TAOK3: variants seen among roughly 807,000 people sequenced by gnomAD.
TAOK3 encodes serine/threonine-protein kinase TAO3.
A neutral mutation model predicts 120.4 loss-of-function variants in TAOK3; 40 were observed. The ratio of observed to expected loss-of-function variants is 0.33; its 90% CI spans 0.26 to 0.43. The LOEUF (loss-of-function observed/expected upper bound fraction) is 0.43, where lower values mean the gene tolerates loss of function less well. Among genes scored for constraint, TAOK3 ranks in the 20% least tolerant of loss-of-function variants. The probability of loss-of-function intolerance (pLI) is 1.00; values close to 1 mark genes in which losing one functional copy is unlikely to be tolerated. For synonymous variants in TAOK3, 355 were observed against 387.5 expected, an observed-to-expected ratio of 0.92 and a Z score of 0.99; for missense variants, 821 against 1,112.1, an observed-to-expected ratio of 0.74 and a Z score of 3.72.
chr12:118,313,183 C>T (rs1161651933), intron 1 of TAOK3, among the ~76,000 whole-genome samples: 4 of 152,116 alleles, frequency 2.6e-5, no homozygotes, highest in Non-Finnish European at 4.4e-5. Context: ...GACAGTCAGG[C>T]AAGACATTAC....
chr12:118,294,610 C>A (rs12231845), intron 1 of TAOK3, among the ~76,000 whole-genome samples: 8,159 of 152,138 alleles, frequency 0.054, 456 homozygotes, highest in East Asian at 0.25. Flanking sequence ...TCTTGAACTC[C>A]TGACCTCAGG....
At chr12:118,195,109 G>A (rs1448630188) in intron 13 of TAOK3, among the ~76,000 whole-genome samples, 1 of 151,898 alleles carries the variant, frequency 6.6e-6, no homozygotes, top group Non-Finnish European at 1.5e-5. Flanking sequence ...AGAATGAAGT[G>A]TTGTCCCATT....
At chr12:118,240,764 T>G (rs2040217202) in intron 5 of TAOK3, among the ~76,000 whole-genome samples, 1 of 152,122 alleles carries the variant, frequency 6.6e-6, no homozygotes. Context: ...TACAAATTAT[T>G]GTTATTTAAA....
chr12:118,251,824 G>GC (rs2040765358), intron 3 of TAOK3, among the ~76,000 whole-genome samples: 1 of 145,114 alleles, frequency 6.9e-6, no homozygotes, highest in African/African-American at 2.5e-5. Flanking sequence ...GGGTTTGGCT[G>GC]CTTTTTTTTT....
rs1391399075 is a variant in TAOK3 at position 118,364,225 on chromosome 12, TGTGA to T, written c.-194+8419_-194+8422del. The stretch of plus-strand genomic sequence containing the variant: ...GGGGAATTACTAAAGGTTTTGAACA[TGTGA>T]GTGTCAAAATCAGAGCCGTACTTTA... On this transcript the variant is annotated intron_variant, in intron 1 of 20. Coordinates refer to ENST00000392533, the MANE Select transcript of TAOK3 (RefSeq NM_016281.4). Among the ~76,000 whole-genome samples the T allele has an allele frequency of 7.2e-5, 11 of 152,162 alleles. 1 individual carries two copies. Among genetic ancestry groups the T allele is most frequent in the Non-Finnish European group, 1.5e-5 (1 of 68,028 alleles).
At chr12:118,336,175 A>T (rs1026493653) in intron 1 of TAOK3, among the ~76,000 whole-genome samples, 2 of 152,206 alleles carry the variant, frequency 1.3e-5, no homozygotes, top group East Asian at 3.8e-4. Flanking sequence ...GAATCACTTT[A>T]CTCAATATTA....
chr12:118,242,087 C>CAA (rs138217247), intron 5 of TAOK3, among the ~76,000 whole-genome samples: 18 of 110,826 alleles, frequency 1.6e-4, no homozygotes, highest in Non-Finnish European at 2.3e-4. Context: ...AACTCTGTCT[C>CAA]AAAAAAAAAA....
intron 17 of TAOK3, among the ~76,000 whole-genome samples, chr12:118,164,480 C>T (rs1592993860): frequency 6.6e-6 from 1 of 151,862 alleles, no homozygotes; most frequent in East Asian, 2.0e-4. Flanking sequence ...TGCAATGGTG[C>T]GATCTTGGCT....
intron 17 of TAOK3, among the ~76,000 whole-genome samples, chr12:118,171,441 C>G (rs1030686438): frequency 6.6e-6 from 1 of 152,234 alleles, no homozygotes; most frequent in African/African-American, 2.4e-5. Flanking sequence ...ACTGTAACCT[C>G]TGCCTCCTAG....
intron 16 of TAOK3, among the ~76,000 whole-genome samples, chr12:118,174,843 A>G (rs1460104873): frequency 6.6e-6 from 1 of 151,878 alleles, no homozygotes; most frequent in African/African-American, 2.4e-5. Context: ...TTGTATTTTT[A>G]TAGAGATGTC....
intron 1 of TAOK3, among the ~76,000 whole-genome samples, chr12:118,282,336 A>G (rs1466987926): frequency 6.6e-6 from 1 of 152,226 alleles, no homozygotes; most frequent in Non-Finnish European, 1.5e-5. Context: ...ACTTGATCAC[A>G]TTGTTATTTA....
intron 2 of TAOK3, among the ~76,000 whole-genome samples, chr12:118,264,439 G>A (rs1418536960): frequency 6.6e-6 from 1 of 152,140 alleles, no homozygotes; most frequent in South Asian, 2.1e-4. Context: ...AATATGCTGT[G>A]TAAAAGAAGT....
chr12:118,330,708 A>G (rs1440103344), intron 1 of TAOK3, among the ~76,000 whole-genome samples: 1 of 151,636 alleles, frequency 6.6e-6, no homozygotes, highest in Non-Finnish European at 1.5e-5. Context: ...TCAAAAAAAG[A>G]GGTAAAGAGG....
At chr12:118,278,277 G>A (rs1416574427) in intron 1 of TAOK3, among the ~76,000 whole-genome samples, 1 of 151,980 alleles carries the variant, frequency 6.6e-6, no homozygotes, top group African/African-American at 2.4e-5. Flanking sequence ...GTAGTTTTTT[G>A]ATCCTGACCC....
chr12:118,255,792 T>C (rs545538385), intron 2 of TAOK3, 137 bp from the exon 3 acceptor site: 59 of 448,028 alleles, frequency 1.3e-4, no homozygotes, highest in Middle Eastern at 1.2e-3. Flanking sequence ...AAATAAAGAA[T>C]GGACATATGG....
intron 1 of TAOK3, among the ~76,000 whole-genome samples, chr12:118,309,706 G>C (rs142264250): frequency 0.02 from 3,093 of 151,832 alleles, 108 homozygotes; most frequent in African/African-American, 0.071. Flanking sequence ...AGTAGAGATG[G>C]GGTTTCACCA....
chr12:118,245,015 C>T, intron 3 of TAOK3, 50 bp from the exon 4 acceptor site: 1 of 1,245,612 alleles, frequency 8.0e-7, no homozygotes. Context: ...GATGTTTCAG[C>T]CAATTTAACT....
chr12:118,208,774 C>A (rs541699264), intron 11 of TAOK3, among the ~76,000 whole-genome samples: 2 of 152,152 alleles, frequency 1.3e-5, no homozygotes, highest in African/African-American at 4.8e-5. Flanking sequence ...TGCAGTGGCA[C>A]GATCTCGGCT....
chr12:118,150,972 T>G lies in TAOK3; in HGVS notation c.*25A>C. 6.5e-7 allele frequency: 1 copy of G among 1,533,634 alleles called. No homozygotes were observed. Among genetic ancestry groups the G allele is most frequent in the Non-Finnish European group, 8.7e-7 (1 of 1,146,278 alleles). Reference sequence around the variant, plus strand: ...TTCTGTTTTCTTTTTTTTTTTTTTTTTTGTAAATGGCAAAAAATTTAATCT... The same window carrying G: ...TTCTGTTTTCTTTTTTTTTTTTTTTGTTGTAAATGGCAAAAAATTTAATCT... On this transcript the variant is annotated 3_prime_UTR_variant, in exon 21 of 21. Transcript: ENST00000392533.
Sources: allele counts gnomAD v4.1 joint callset (sites outside exome capture counted in the v4.1 genomes callset), GRCh38; gene constraint gnomAD v4.1.1; transcripts MANE v1.5; gene names NCBI Gene and HGNC (gene_info 2026-07-23, HGNC 2026-07-21).